KCNIP4: variants seen among roughly 807,000 people sequenced by gnomAD.
KCNIP4 encodes the protein Kv channel-interacting protein 4.
Under a neutral mutation model 34.0 loss-of-function variants are expected in KCNIP4, and 12 were observed. The observed-to-expected ratio is 0.35, with a 90% CI of 0.23 to 0.57. The LOEUF (loss-of-function observed/expected upper bound fraction) is 0.57, where lower values mean the gene tolerates loss of function less well. KCNIP4 is among the 20% of genes least tolerant of loss of function. The pLI is 0.83. For missense variants in KCNIP4, 238 were observed against 311.7 expected, an observed-to-expected ratio of 0.76 and a Z score of 1.78; for synonymous variants, 124 against 102.2, an observed-to-expected ratio of 1.21 and a Z score of -1.29.
At position 21,831,663 on chromosome 4, in the gene KCNIP4, C is replaced by CAAAAAA. The variant is rs141374886; in HGVS notation, c.61+116902_61+116907dup. On this transcript the variant is annotated intron_variant, in intron 1 of 8. Coordinates refer to ENST00000382152, the MANE Select transcript of KCNIP4 (RefSeq NM_025221.6). ...GAATCAGCAATTAAACATTTTTCATCAAAAAAAAAAAAAAAAAAAAAAGCC... is the reference window on the plus strand; with the variant it reads ...GAATCAGCAATTAAACATTTTTCATCAAAAAAAAAAAAAAAAAAAAAAAAAAAAGCC... Among the ~76,000 whole-genome samples the CAAAAAA allele has an allele frequency of 1.3e-3, 98 of 73,160 alleles. 8 individuals carry two copies. The highest frequency in any genetic ancestry group is 4.7e-3 in the African/African-American group (82 of 17,278). 48.0% of individuals were successfully genotyped at this position (73,160 alleles called of 152,430 possible).
chr4:21,832,582 TTA>T (rs1210404963), intron 1 of KCNIP4, among the ~76,000 whole-genome samples: 4 of 35,270 alleles, frequency 1.1e-4, no homozygotes, highest in South Asian at 1.5e-3. Context: ...TTTATTTTTT[TTA>T]TTTTTTTTTT....
chr4:21,458,997 C>T (rs760914084), intron 1 of KCNIP4, among the ~76,000 whole-genome samples: 3 of 152,066 alleles, frequency 2.0e-5, no homozygotes, highest in Non-Finnish European at 2.9e-5. Context: ...CAGCTCTCCT[C>T]TTATTTCCCC....
chr4:21,020,476 C>G (rs1577547128), intron 1 of KCNIP4, among the ~76,000 whole-genome samples: 1 of 152,102 alleles, frequency 6.6e-6, no homozygotes, highest in Admixed American at 6.5e-5. Context: ...CCCTCTTCTG[C>G]CTGTAGATAG....
At chr4:20,927,375 GC>G (rs1730009154) in intron 1 of KCNIP4, among the ~76,000 whole-genome samples, 1 of 152,088 alleles carries the variant, frequency 6.6e-6, no homozygotes, top group African/African-American at 2.4e-5. Flanking sequence ...TTAGGGAGTG[GC>G]AAAAGAAAAA....
chr4:21,601,219 C>T lies in KCNIP4; in HGVS notation c.61+347352G>A, dbSNP rs371997473. On this transcript the variant is annotated intron_variant, in intron 1 of 8. Coordinates refer to ENST00000382152, the MANE Select transcript of KCNIP4 (RefSeq NM_025221.6). ...TATCATCAAACCAAATCTGATTATG[C>T]CATTGCTTTTCTTTTCTCCTTAAAA... 1.7e-3 allele frequency among the ~76,000 whole-genome samples: 259 copies of T among 152,090 alleles called. 10 individuals carry two copies. In the South Asian group the frequency reaches 0.048, roughly 28 times the overall value.
At chr4:20,779,497 C>T (rs1015885159) in intron 3 of KCNIP4, among the ~76,000 whole-genome samples, 3 of 151,350 alleles carry the variant, frequency 2.0e-5, no homozygotes, top group Non-Finnish European at 4.4e-5. Flanking sequence ...AGGTATGTGA[C>T]AGGTTGGAAA....
chr4:21,931,004 G>A (rs1729531802), intron 1 of KCNIP4, among the ~76,000 whole-genome samples: 1 of 152,124 alleles, frequency 6.6e-6, no homozygotes, highest in African/African-American at 2.4e-5. Context: ...TAAACTCATG[G>A]AGTCTCAATT....
At chr4:21,109,683 G>A (rs191386508) in intron 1 of KCNIP4, among the ~76,000 whole-genome samples, 56 of 152,224 alleles carry the variant, frequency 3.7e-4, no homozygotes, top group Middle Eastern at 3.4e-3. Context: ...GAAATCACCC[G>A]TCTTCTGCAT....
At chr4:21,046,430 C>T (rs867081812) in intron 1 of KCNIP4, among the ~76,000 whole-genome samples, 1 of 152,006 alleles carries the variant, frequency 6.6e-6, no homozygotes, top group Non-Finnish European at 1.5e-5. Flanking sequence ...GATAGCAGTT[C>T]TTTATGCTTT....
chr4:21,668,002 G>A (rs1749138576), intron 1 of KCNIP4, among the ~76,000 whole-genome samples: 1 of 152,072 alleles, frequency 6.6e-6, no homozygotes, highest in Admixed American at 6.5e-5. Context: ...ATAATAGACT[G>A]GATAAAGAAA....
At chr4:20,878,900 G>A (rs1355653190) in intron 2 of KCNIP4, among the ~76,000 whole-genome samples, 1 of 152,130 alleles carries the variant, frequency 6.6e-6, no homozygotes, top group African/African-American at 2.4e-5. Flanking sequence ...GAAATTAAAA[G>A]ATATTCAGAG....
intron 1 of KCNIP4, among the ~76,000 whole-genome samples, chr4:21,224,547 C>T (rs952224873): frequency 7.3e-5 from 11 of 150,898 alleles, no homozygotes; most frequent in African/African-American, 2.7e-4. Context: ...TACAGATATT[C>T]CCCCATGGTT....
At chr4:21,198,917 A>G (rs1756263338) in intron 1 of KCNIP4, among the ~76,000 whole-genome samples, 1 of 152,020 alleles carries the variant, frequency 6.6e-6, no homozygotes, top group African/African-American at 2.4e-5. Flanking sequence ...TCTGAGGAGT[A>G]AAGTACTGAC....
intron 1 of KCNIP4, among the ~76,000 whole-genome samples, chr4:21,136,259 A>G (rs1378902779): frequency 6.6e-6 from 1 of 152,180 alleles, no homozygotes; most frequent in Non-Finnish European, 1.5e-5. Context: ...TTTCTGACCT[A>G]CTGTTCCCCA....
At chr4:21,341,736 C>T (rs1716784363) in intron 1 of KCNIP4, among the ~76,000 whole-genome samples, 2 of 152,144 alleles carry the variant, frequency 1.3e-5, no homozygotes, top group Admixed American at 6.5e-5. Context: ...CAGTTCTTGG[C>T]CTCAAGTCTT....
chr4:21,484,092 TA>T (rs1387830715), intron 1 of KCNIP4, among the ~76,000 whole-genome samples: 1 of 152,172 alleles, frequency 6.6e-6, no homozygotes, highest in African/African-American at 2.4e-5. Flanking sequence ...GCATTTATAA[TA>T]ATGCTTATGT....
chr4:21,733,230 A>C (rs1715738761), intron 1 of KCNIP4, among the ~76,000 whole-genome samples: 1 of 152,158 alleles, frequency 6.6e-6, no homozygotes. Context: ...TCAACTTCCC[A>C]GTTCAAATTA....
intron 1 of KCNIP4, among the ~76,000 whole-genome samples, chr4:21,934,991 T>A (rs1729775524): frequency 6.6e-6 from 1 of 152,074 alleles, no homozygotes; most frequent in African/African-American, 2.4e-5. Flanking sequence ...ACACACAATT[T>A]CTTTCTTCTG....
intron 1 of KCNIP4, among the ~76,000 whole-genome samples, chr4:21,063,242 T>G (rs1744078930): frequency 6.6e-6 from 1 of 152,146 alleles, no homozygotes; most frequent in African/African-American, 2.4e-5. Context: ...AGACAATAAG[T>G]GTCTGTTGCT....
Sources: allele counts gnomAD v4.1 joint callset (sites outside exome capture counted in the v4.1 genomes callset), GRCh38; gene constraint gnomAD v4.1.1; transcripts MANE v1.5; gene names NCBI Gene and HGNC (gene_info 2026-07-23, HGNC 2026-07-21).